FBXL17: variants seen among roughly 807,000 people sequenced by gnomAD.
FBXL17 encodes F-box/LRR-repeat protein 17.
FBXL17 carries 22 observed loss-of-function variants against 66.2 expected under a neutral mutation model. That is an observed-to-expected ratio of 0.33 (90% CI 0.24 to 0.47). The LOEUF is 0.47. FBXL17 is among the 20% of genes least tolerant of loss of function. The pLI is 1.00. For missense variants in FBXL17, 878 were observed against 948.2 expected, an observed-to-expected ratio of 0.93 and a Z score of 0.97; for synonymous variants, 474 against 400.5, an observed-to-expected ratio of 1.18 and a Z score of -2.19.
chr5:108,374,529 C>G (rs538920159), intron 1 of FBXL17, among the ~76,000 whole-genome samples: 1 of 152,082 alleles, frequency 6.6e-6, no homozygotes, highest in Admixed American at 6.6e-5. Context: ...CAAAAATTAG[C>G]CGGGCGTGGT....
chr5:107,885,207 G>C lies in FBXL17; in HGVS notation c.1823-4028C>G, dbSNP rs557071887. Among the ~76,000 whole-genome samples the C allele has an allele frequency of 6.6e-5, 10 of 152,242 alleles. No homozygotes were observed. In the East Asian group the frequency reaches 1.9e-3, roughly 29 times the overall value. The stretch of plus-strand genomic sequence containing the variant: ...GCAATTTTAATATACTTTTTAATGT[G>C]CTAAGTGCAACTAATGAAGAAAGTT... On this transcript the variant is annotated intron_variant, in intron 7 of 8. Coordinates refer to ENST00000542267, the MANE Select transcript of FBXL17 (RefSeq NM_001163315.3).
chr5:108,320,010 T>TC (rs2079861944), intron 4 of FBXL17, among the ~76,000 whole-genome samples: 1 of 151,772 alleles, frequency 6.6e-6, no homozygotes, highest in Non-Finnish European at 1.5e-5. Flanking sequence ...ACAAATCTAT[T>TC]CTCTTACCTC....
At chr5:107,946,256 TATATA>T (rs1319443924) in intron 7 of FBXL17, among the ~76,000 whole-genome samples, 24 of 16,466 alleles carry the variant, frequency 1.5e-3, no homozygotes, top group African/African-American at 6.1e-3. Context: ...AATCTCATTT[TATATA>T]TATATATATA....
intron 6 of FBXL17, among the ~76,000 whole-genome samples, chr5:108,105,909 A>G (rs980910240): frequency 6.6e-6 from 1 of 152,152 alleles, no homozygotes; most frequent in Non-Finnish European, 1.5e-5. Context: ...AGTAAAACGG[A>G]GGGAGACTGA....
intron 4 of FBXL17, among the ~76,000 whole-genome samples, chr5:108,233,588 TCA>T (rs1755466225): frequency 1.3e-5 from 2 of 152,170 alleles, no homozygotes; most frequent in South Asian, 4.1e-4. Context: ...AAGATAACCC[TCA>T]GATTCAACAT....
chr5:107,898,834 G>A (rs1226458349), intron 7 of FBXL17, among the ~76,000 whole-genome samples: 3 of 152,194 alleles, frequency 2.0e-5, no homozygotes, highest in African/African-American at 7.2e-5. Context: ...ATTCCATGGT[G>A]TGTATGTGCC....
chr5:108,029,505 T>A (rs995262100), intron 6 of FBXL17, among the ~76,000 whole-genome samples: 1 of 152,148 alleles, frequency 6.6e-6, no homozygotes, highest in Non-Finnish European at 1.5e-5. Flanking sequence ...TCCCATATAA[T>A]TGCACATTAA....
At chr5:108,202,225 T>G (rs1284019243) in intron 5 of FBXL17, among the ~76,000 whole-genome samples, 2 of 152,158 alleles carry the variant, frequency 1.3e-5, no homozygotes, top group Non-Finnish European at 2.9e-5. Flanking sequence ...TTTTATAAAC[T>G]GAGTCATTTG....
intron 8 of FBXL17, among the ~76,000 whole-genome samples, chr5:107,872,403 A>G (rs1385703383): frequency 6.6e-6 from 1 of 152,226 alleles, no homozygotes; most frequent in Non-Finnish European, 1.5e-5. Flanking sequence ...AATCCATTAA[A>G]TTATTAAGAG....
chr5:107,953,141 G>A (rs983933135), intron 7 of FBXL17, among the ~76,000 whole-genome samples: 4 of 152,018 alleles, frequency 2.6e-5, no homozygotes, highest in South Asian at 2.1e-4. Context: ...TGTGGCTCAC[G>A]CCTGTAATCC....
intron 7 of FBXL17, among the ~76,000 whole-genome samples, chr5:107,975,864 T>G (rs200787979): frequency 1.5e-4 from 14 of 94,476 alleles, no homozygotes; most frequent in Admixed American, 1.9e-4. Context: ...GTTGTTTTTT[T>G]TTTTTTTTTT....
chr5:108,315,172 T>A (rs1254511656), intron 4 of FBXL17, among the ~76,000 whole-genome samples: 1 of 151,022 alleles, frequency 6.6e-6, no homozygotes, highest in African/African-American at 2.4e-5. Context: ...ATTACTGAAG[T>A]AAAAAGGTAA....
Position 108,381,831 on chromosome 5 carries a change from C to T in FBXL17, c.-140G>A. ...CTGCGCACACACACGCACACACGGG[C>T]ACACACGCGACGGTGGGGGGTGGGC... is the stretch of plus-strand genomic sequence containing the variant. On this transcript the variant is annotated 5_prime_UTR_variant, in exon 1 of 9. Transcript: ENST00000542267. 7.7e-7 allele frequency: 1 copy of T among 1,303,840 alleles called. No individual in the cohort carries two copies. The highest frequency in any genetic ancestry group is 9.7e-7 in the Non-Finnish European group (1 of 1,026,984). 80.8% of individuals were successfully genotyped at this position (1,303,840 alleles called of 1,614,324 possible).
At chr5:108,127,307 A>G (rs1212301394) in intron 6 of FBXL17, among the ~76,000 whole-genome samples, 5 of 152,252 alleles carry the variant, frequency 3.3e-5, no homozygotes, top group Admixed American at 3.3e-4. Flanking sequence ...CAAGAACTAC[A>G]ATGATGATTA....
At chr5:107,938,793 C>T (rs571511420) in intron 7 of FBXL17, among the ~76,000 whole-genome samples, 1 of 152,230 alleles carries the variant, frequency 6.6e-6, no homozygotes, top group South Asian at 2.1e-4. Context: ...CACTTTTATA[C>T]CTGAATAATA....
intron 7 of FBXL17, among the ~76,000 whole-genome samples, chr5:108,007,203 A>C (rs1452064528): frequency 6.6e-6 from 1 of 152,166 alleles, no homozygotes; most frequent in Non-Finnish European, 1.5e-5. Context: ...TGAGGGTCCA[A>C]TTTAGGCCCT....
At chr5:108,112,416 C>T (rs926294065) in intron 6 of FBXL17, among the ~76,000 whole-genome samples, 2 of 152,256 alleles carry the variant, frequency 1.3e-5, no homozygotes, top group East Asian at 3.9e-4. Context: ...TGAATTAGCC[C>T]TTGACTAAAC....
chr5:108,202,782 G>C (rs2150050881), intron 5 of FBXL17, among the ~76,000 whole-genome samples: 1 of 152,222 alleles, frequency 6.6e-6, no homozygotes, highest in African/African-American at 2.4e-5. Flanking sequence ...AACAGTTTCG[G>C]CCTGTGGTTG....
At chr5:107,915,469 A>G (rs1487897594) in intron 7 of FBXL17, among the ~76,000 whole-genome samples, 1 of 152,174 alleles carries the variant, frequency 6.6e-6, no homozygotes, top group Non-Finnish European at 1.5e-5. Context: ...GGACTGGTTT[A>G]TTCTTTATAT....
Sources: gnomAD v4.1 joint callset for allele counts (sites outside exome capture counted in the v4.1 genomes callset) on GRCh38, gnomAD v4.1.1 for gene constraint, MANE v1.5 for transcripts, NCBI Gene and HGNC (gene_info 2026-07-23, HGNC 2026-07-21) for gene names.